Variants in MCCC2 observed in about 807,000 individuals in gnomAD.
The protein encoded by MCCC2 is methylcrotonyl-CoA carboxylase subunit 2.
Under a neutral mutation model 77.2 loss-of-function variants are expected in MCCC2, and 52 were observed. The ratio of observed to expected loss-of-function variants is 0.67; its 90% CI spans 0.54 to 0.85. The LOEUF (loss-of-function observed/expected upper bound fraction) is 0.85, where lower values mean the gene tolerates loss of function less well. Among genes scored for constraint, MCCC2 ranks in the 40% least tolerant of loss-of-function variants. The pLI is 0.00. For missense variants in MCCC2, 682 were observed against 703.2 expected, an observed-to-expected ratio of 0.97 and a Z score of 0.34; for synonymous variants, 253 against 248.4, an observed-to-expected ratio of 1.02 and a Z score of -0.18.
intron 12 of MCCC2, among the ~76,000 whole-genome samples, chr5:71,644,631 T>C (rs553209954): frequency 6.6e-6 from 1 of 152,126 alleles, no homozygotes; most frequent in Non-Finnish European, 1.5e-5. Flanking sequence ...TTTAAAAAAA[T>C]TTTAATTCAC....
chr5:71,615,185 C>A (rs1390649201), intron 6 of MCCC2, among the ~76,000 whole-genome samples: 1 of 152,114 alleles, frequency 6.6e-6, no homozygotes, highest in African/African-American at 2.4e-5. Flanking sequence ...GCCAGGCTGG[C>A]CTTGAACTCC....
intron 6 of MCCC2, among the ~76,000 whole-genome samples, chr5:71,612,639 G>A (rs984315953): frequency 1.3e-5 from 2 of 152,188 alleles, no homozygotes; most frequent in Non-Finnish European, 2.9e-5. Context: ...TTACAGGCCT[G>A]AGCCAACATG....
chr5:71,605,769 A>G (rs894608303), intron 6 of MCCC2, among the ~76,000 whole-genome samples: 2 of 152,088 alleles, frequency 1.3e-5, no homozygotes, highest in Non-Finnish European at 2.9e-5. Flanking sequence ...GGTGTAAGGA[A>G]GGGATCCAGT....
chr5:71,656,642 T>C lies in MCCC2; in HGVS notation c.1575-101T>C, dbSNP rs1229245364. 3 of 875,918 alleles carry C rather than the reference T, an allele frequency of 3.4e-6. No individual in the cohort carries two copies. The Admixed American group carries it at 5.1e-5, about 15-fold the overall frequency. 54.3% of individuals were successfully genotyped at this position (875,918 alleles called of 1,614,324 possible). ...ATGGATGCTAATCAGTAGATCCATA[T>C]ATTACCTGAAGGAAAACTTCCTTGG... On this transcript the variant is annotated intron_variant, in intron 16 of 16. Transcript: ENST00000340941.
At position 71,607,766 on chromosome 5, in the gene MCCC2, G is replaced by A. The variant is rs202132131; in HGVS notation, c.624+3298G>A. Reference sequence around the variant, plus strand: ...GTTTGAATGCGTCCCAGAGATTCTGGTATGTTGTGTCTTTGTTCTTGTTGG... The same window carrying A: ...GTTTGAATGCGTCCCAGAGATTCTGATATGTTGTGTCTTTGTTCTTGTTGG... On this transcript the variant is annotated intron_variant, in intron 6 of 16. Coordinates refer to ENST00000340941, the MANE Select transcript of MCCC2 (RefSeq NM_022132.5). Among the ~76,000 whole-genome samples, 1,473 of 150,270 alleles carry A rather than the reference G, an allele frequency of 9.8e-3. 20 individuals are homozygous for A. The highest frequency in any genetic ancestry group is 0.034 in the African/African-American group (1,388 of 40,836).
chr5:71,606,325 C>T (rs1273332815), intron 6 of MCCC2, among the ~76,000 whole-genome samples: 1 of 151,626 alleles, frequency 6.6e-6, no homozygotes, highest in Non-Finnish European at 1.5e-5. Flanking sequence ...GTATTTTATT[C>T]TCTTTGAAGC....
At chr5:71,603,817 G>A (rs1310525575) in intron 5 of MCCC2, among the ~76,000 whole-genome samples, 3 of 152,092 alleles carry the variant, frequency 2.0e-5, no homozygotes, top group Admixed American at 6.6e-5. Flanking sequence ...ATATGATATG[G>A]CTCCTTTTTT....
rs768462133 is a variant in MCCC2, at chr5:71,641,102, G to A, written c.1072+27G>A. On this transcript the variant is annotated intron_variant, in intron 11 of 16. Transcript: ENST00000340941. ...TATAAAGGTGAAGAATTGAAAATAC[G>A]AACATTTTCTGCTGCTTTGAAAATC... is the stretch of plus-strand genomic sequence containing the variant. 50 of 1,586,250 alleles carry A rather than the reference G, an allele frequency of 3.2e-5. 1 individual carries two copies. The South Asian group carries it at 5.0e-4, about 16-fold the overall frequency.
intron 8 of MCCC2, among the ~76,000 whole-genome samples, chr5:71,634,331 G>A (rs916975154): frequency 1.4e-4 from 22 of 152,156 alleles, no homozygotes; most frequent in Admixed American, 1.1e-3. Flanking sequence ...CCACAGAACC[G>A]TTTTACTAGT....
chr5:71,631,116 A>G (rs1442955777), intron 7 of MCCC2, among the ~76,000 whole-genome samples: 2 of 152,042 alleles, frequency 1.3e-5, no homozygotes, highest in African/African-American at 4.8e-5. Flanking sequence ...TCTCTTTCCT[A>G]TGCAGAGTTT....
At chr5:71,634,453 A>G (rs558580529) in intron 8 of MCCC2, among the ~76,000 whole-genome samples, 40 of 152,384 alleles carry the variant, frequency 2.6e-4, no homozygotes, top group African/African-American at 9.4e-4. Flanking sequence ...GAGTTCTCTC[A>G]GAAATGAGAG....
rs1745482068 is a variant in MCCC2, at chr5:71,602,560, C to T, written c.438C>T (p.Tyr146=). ...CCACCGTCAAAGGAGGTGCCTACTACCCAGTGACTGTGAAAAAACAATTAC... is the reference window on the plus strand; with the variant it reads ...CCACCGTCAAAGGAGGTGCCTACTATCCAGTGACTGTGAAAAAACAATTAC... The part of the protein sequence containing the change: ...NDATVKGGAY[Y]PVTVKKQLRA... The change falls in exon 5 of 17, where the codon TAC becomes TAT. Residue 146 remains tyrosine (Y), a synonymous_variant. Transcript: ENST00000340941. 6.2e-7 allele frequency: 1 copy of T among 1,614,136 alleles called. No homozygotes were observed. Among genetic ancestry groups the T allele is most frequent in the Non-Finnish European group, 8.5e-7 (1 of 1,180,012 alleles).
At chr5:71,604,200 G>C (rs1162577690) in intron 5 of MCCC2, among the ~76,000 whole-genome samples, 156 bp from the exon 6 acceptor site, 1 of 152,126 alleles carries the variant, frequency 6.6e-6, no homozygotes, top group Non-Finnish European at 1.5e-5. Flanking sequence ...GGCTGCATTG[G>C]GGGTTTGGAG....
intron 10 of MCCC2, 181 bp downstream of exon 10, chr5:71,635,427 G>A: frequency 1.4e-6 from 1 of 698,674 alleles, no homozygotes; most frequent in Non-Finnish European, 2.6e-6. Context: ...TTGGCACAGA[G>A]TAAATACTGA....
intron 6 of MCCC2, among the ~76,000 whole-genome samples, chr5:71,607,750 C>T (rs277925): frequency 0.42 from 62,382 of 148,118 alleles, 13,515 homozygotes; most frequent in South Asian, 0.46. Context: ...TGTTTGAATG[C>T]GTCCCAGAGA....
At chr5:71,607,738 ACT>A (rs1745746755) in intron 6 of MCCC2, among the ~76,000 whole-genome samples, 1 of 150,638 alleles carries the variant, frequency 6.6e-6, no homozygotes, top group Non-Finnish European at 1.5e-5. Flanking sequence ...CCCTCTACAC[ACT>A]GTTTGAATGC....
At position 71,646,285 on chromosome 5, in the gene MCCC2, A is replaced by G. The variant is rs532313245; in HGVS notation, c.1216+8A>G. The G allele has an allele frequency of 1.4e-5, 22 of 1,613,100 alleles. No homozygotes were observed. The East Asian group carries it at 4.7e-4, about 34-fold the overall frequency. On this transcript the variant is annotated splice_region_variant and intron_variant, in intron 13 of 16. Coordinates refer to ENST00000340941, the MANE Select transcript of MCCC2 (RefSeq NM_022132.5). The stretch of plus-strand genomic sequence containing the variant: ...TCCTTCAAAACATTACTGGTAAGAA[A>G]ATAGCTTAATCAGTTTGGTTGTATT...
intron 7 of MCCC2, among the ~76,000 whole-genome samples, chr5:71,630,195 G>A (rs755002450): frequency 6.6e-6 from 1 of 152,142 alleles, no homozygotes; most frequent in African/African-American, 2.4e-5. Context: ...AAATTCTGAC[G>A]CACGCTTGAC....
Position 71,652,690 on chromosome 5 carries a change from G to T in MCCC2, c.1510G>T (p.Ala504Ser), listed in dbSNP as rs748891169. 12 of 1,614,006 alleles carry T rather than the reference G, an allele frequency of 7.4e-6. No homozygotes were observed. In the East Asian group the frequency reaches 1.6e-4, roughly 21 times the overall value. The stretch of plus-strand genomic sequence containing the variant: ...TTAGTTCTCCAGTGCTGATGAAGCG[G>T]CTTTAAAAGAGCCCATCATTAAGAA... Reference protein sequence around the residue: ...GKQFSSADEAALKEPIIKKFE... With the variant: ...GKQFSSADEASLKEPIIKKFE... Residue 504 changes from alanine to serine, a missense_variant, in exon 16 of 17, where the codon GCT (alanine) becomes TCT (serine). Coordinates refer to ENST00000340941, the MANE Select transcript of MCCC2 (RefSeq NM_022132.5).
Sources: gnomAD v4.1 joint callset for allele counts (sites outside exome capture counted in the v4.1 genomes callset) on GRCh38, gnomAD v4.1.1 for gene constraint, MANE v1.5 for transcripts, NCBI Gene and HGNC (gene_info 2026-07-23, HGNC 2026-07-21) for gene names.